Variants in MAGI3 observed in about 807,000 individuals in gnomAD.
MAGI3 encodes membrane-associated guanylate kinase, WW and PDZ domain-containing protein 3.
Under a neutral mutation model 121.8 loss-of-function variants are expected in MAGI3, and 43 were observed. The ratio of observed to expected loss-of-function variants is 0.35; its 90% CI spans 0.28 to 0.46. The LOEUF is 0.46. Among genes scored for constraint, MAGI3 ranks in the 20% least tolerant of loss-of-function variants. The pLI, the probability that MAGI3 is intolerant of heterozygous loss-of-function variation, is 1.00. For synonymous variants in MAGI3, 553 were observed against 639.3 expected (o/e 0.86, Z 2.04); for missense variants, 1,547 against 1,797.3 (o/e 0.86, Z 2.52).
chr1:113,576,052 G>A (rs1038012237), intron 2 of MAGI3, among the ~76,000 whole-genome samples: 1 of 152,138 alleles, frequency 6.6e-6, no homozygotes, highest in Non-Finnish European at 1.5e-5. Context: ...CACCAAGCTC[G>A]ATCATCCCAG....
Position 113,639,487 on chromosome 1 carries a change from C to T in MAGI3, c.1361-2424C>T, listed in dbSNP as rs143827142. 4.7e-3 allele frequency among the ~76,000 whole-genome samples: 715 copies of T among 152,180 alleles called. 8 individuals are homozygous for T. Among genetic ancestry groups the T allele is most frequent in the African/African-American group, 0.016 (648 of 41,534 alleles). On this transcript the variant is annotated intron_variant, in intron 9 of 20. Transcript: ENST00000307546. ...CAGAATCTCGGCTCATTGCAACCTC[C>T]GCCTCCTGCGTTCAAGTGATTCTCC... is the stretch of plus-strand genomic sequence containing the variant.
At chr1:113,681,112 A>G in intron 19 of MAGI3, 86 bp from the exon 20 acceptor site, 1 of 1,493,264 alleles carries the variant, frequency 6.7e-7, no homozygotes, top group Non-Finnish European at 9.1e-7. Context: ...TCACTTAGCA[A>G]GGTTGAATGG....
chr1:113,644,349 C>T (rs1423580558), intron 11 of MAGI3, among the ~76,000 whole-genome samples: 2 of 151,998 alleles, frequency 1.3e-5, no homozygotes, highest in Admixed American at 6.5e-5. Context: ...GGCGCTATCT[C>T]GGCTCACTGC....
At chr1:113,598,544 G>C (rs545795190) in intron 6 of MAGI3, among the ~76,000 whole-genome samples, 1 of 151,634 alleles carries the variant, frequency 6.6e-6, no homozygotes, top group East Asian at 1.9e-4. Flanking sequence ...TTATGTCAGA[G>C]AAAACAGATT....
At chr1:113,512,241 A>G (rs1187881846) in intron 1 of MAGI3, among the ~76,000 whole-genome samples, 2 of 152,234 alleles carry the variant, frequency 1.3e-5, no homozygotes, top group African/African-American at 4.8e-5. Flanking sequence ...TCAAAGTCAT[A>G]CAAAGACTGA....
chr1:113,683,667 C>A lies in MAGI3; in HGVS notation c.4099C>A (p.Pro1367Thr). ...CAAAAGAATGGTTGAGAAATCTCTT[C>A]CATCCAAAATGACTAATAAGACTAC... is the stretch of plus-strand genomic sequence containing the variant. ...KIKRMVEKSL[P>T]SKMTNKTTSK... Residue 1367 changes from proline to threonine, a missense_variant, in exon 21 of 21, where the codon CCA becomes ACA. By Grantham distance (38) the Pro-to-Thr change is conservative. Coordinates refer to ENST00000307546, the MANE Select transcript of MAGI3 (RefSeq NM_001142782.2). 2 of 1,608,474 alleles carry A rather than the reference C, an allele frequency of 1.2e-6. No homozygotes were observed. The highest frequency in any genetic ancestry group is 1.7e-6 in the Non-Finnish European group (2 of 1,177,318).
chr1:113,520,886 G>A (rs1026820352), intron 1 of MAGI3, among the ~76,000 whole-genome samples: 1 of 152,078 alleles, frequency 6.6e-6, no homozygotes, highest in African/African-American at 2.4e-5. Context: ...ACAGGTGTGA[G>A]CCATCGCACC....
At chr1:113,474,230 G>T (rs1246158978) in intron 1 of MAGI3, among the ~76,000 whole-genome samples, 1 of 152,120 alleles carries the variant, frequency 6.6e-6, no homozygotes, top group Non-Finnish European at 1.5e-5. Context: ...TCACTCTGAT[G>T]GTAGTTTCTT....
At chr1:113,517,214 A>G (rs1320123404) in intron 1 of MAGI3, among the ~76,000 whole-genome samples, 1 of 151,968 alleles carries the variant, frequency 6.6e-6, no homozygotes, top group Non-Finnish European at 1.5e-5. Flanking sequence ...TGTGAAAAAT[A>G]TACCATAGTA....
chr1:113,540,153 A>G (rs1659216490), intron 1 of MAGI3, among the ~76,000 whole-genome samples: 1 of 152,222 alleles, frequency 6.6e-6, no homozygotes, highest in Admixed American at 6.5e-5. Flanking sequence ...GTGTCTTTGA[A>G]GTCTACAGTA....
chr1:113,413,772 T>G (rs2101344883), intron 1 of MAGI3, among the ~76,000 whole-genome samples: 1 of 152,270 alleles, frequency 6.6e-6, no homozygotes, highest in East Asian at 1.9e-4. Flanking sequence ...CTTAAGGAGA[T>G]TTTGGGCTGA....
chr1:113,549,707 G>A, intron 2 of MAGI3, 76 bp downstream of exon 2: 1 of 703,270 alleles, frequency 1.4e-6, no homozygotes. Flanking sequence ...CAGATAGTTT[G>A]ATGGAGTATT....
chr1:113,472,828 A>G (rs905961871), intron 1 of MAGI3, among the ~76,000 whole-genome samples: 4 of 152,094 alleles, frequency 2.6e-5, no homozygotes, highest in African/African-American at 9.7e-5. Flanking sequence ...CTTGACTTCA[A>G]ATACCTACAA....
intron 14 of MAGI3, among the ~76,000 whole-genome samples, chr1:113,652,845 G>C (rs1468684942): frequency 6.6e-6 from 1 of 152,124 alleles, no homozygotes; most frequent in Non-Finnish European, 1.5e-5. Context: ...CTCAAGTTCT[G>C]ATGTCATCCT....
intron 1 of MAGI3, among the ~76,000 whole-genome samples, chr1:113,468,870 G>A (rs868832792): frequency 7.2e-5 from 11 of 152,016 alleles, no homozygotes; most frequent in African/African-American, 1.2e-4. Context: ...TATTCTGACA[G>A]TGAGCTCCTT....
intron 16 of MAGI3, among the ~76,000 whole-genome samples, chr1:113,663,940 T>G (rs986256249): frequency 2.6e-5 from 4 of 152,234 alleles, no homozygotes; most frequent in Non-Finnish European, 5.9e-5. Flanking sequence ...ATTGGCATTT[T>G]GCTGATGAGT....
At chr1:113,395,644 A>ATATATATTATATGCATATATGTATATG (rs1651070949) in intron 1 of MAGI3, among the ~76,000 whole-genome samples, 1 of 151,888 alleles carries the variant, frequency 6.6e-6, no homozygotes, top group East Asian at 1.9e-4. Context: ...GTGTGTGTAT[A>ATATATATTATATGCATATATGTATATG]TATATATTAT....
intron 19 of MAGI3, among the ~76,000 whole-genome samples, chr1:113,674,412 A>T (rs1375815160): frequency 2.0e-5 from 3 of 148,476 alleles, no homozygotes; most frequent in Non-Finnish European, 4.5e-5. Context: ...AAAAAAAGAC[A>T]TTTGCTGTCT....
chr1:113,543,734 G>A (rs891507665), intron 1 of MAGI3, among the ~76,000 whole-genome samples: 18 of 152,054 alleles, frequency 1.2e-4, no homozygotes, highest in African/African-American at 3.9e-4. Flanking sequence ...CTGGCCTGGT[G>A]GCGTGTGCCT....
Sources: gnomAD v4.1 joint callset for allele counts (sites outside exome capture counted in the v4.1 genomes callset) on GRCh38, gnomAD v4.1.1 for gene constraint, MANE v1.5 for transcripts, NCBI Gene and HGNC (gene_info 2026-07-23, HGNC 2026-07-21) for gene names.